Variants in KPNA3 observed in about 807,000 individuals in gnomAD.
The protein encoded by KPNA3 is karyopherin subunit alpha 3.
Under a neutral mutation model 73.8 loss-of-function variants are expected in KPNA3, and 13 were observed. The observed-to-expected ratio is 0.18, with a 90% CI of 0.11 to 0.28. The LOEUF (loss-of-function observed/expected upper bound fraction) is 0.28, where lower values mean the gene tolerates loss of function less well. Ranked by LOEUF, KPNA3 falls within the 10% of genes least tolerant of loss-of-function variation. The pLI is 1.00. For missense variants in KPNA3, 360 were observed against 618.1 expected, an observed-to-expected ratio of 0.58 and a Z score of 4.43; for synonymous variants, 186 against 206.9, an observed-to-expected ratio of 0.90 and a Z score of 0.87.
chr13:49,705,559 A>G (rs941611092), intron 15 of KPNA3, 62 bp downstream of exon 15: 16 of 1,528,264 alleles, frequency 1.0e-5, no homozygotes, highest in Middle Eastern at 1.7e-4. Context: ...AGTTGACTTT[A>G]AAGAACTTAT....
At position 49,732,627 on chromosome 13, in the gene KPNA3, A is replaced by G. The variant is rs745801949; in HGVS notation, c.265T>C (p.Leu89=). Residue 89 remains leucine (L), a synonymous_variant, in exon 5 of 17, where the codon TTG becomes CTG. Coordinates refer to ENST00000261667, the MANE Select transcript of KPNA3 (RefSeq NM_002267.4). ...TACCTTGCTGCCTGGACAGCACTCA[A>G]TTGGACCACTGGGTTATCACTTGTG... ...NATSDNPVVQ[L]SAVQAARKLL... The G allele has an allele frequency of 5.6e-6, 9 of 1,612,106 alleles. No homozygotes were observed. Among genetic ancestry groups the G allele is most frequent in the South Asian group, 2.2e-5 (2 of 90,748 alleles).
At chr13:49,723,439 G>A (rs1002536682) in intron 7 of KPNA3, among the ~76,000 whole-genome samples, 2 of 151,916 alleles carry the variant, frequency 1.3e-5, no homozygotes, top group Non-Finnish European at 2.9e-5. Flanking sequence ...GCGTGGTGGT[G>A]GGCGCCTGTA....
chr13:49,747,805 T>C (rs1246239201), intron 1 of KPNA3, among the ~76,000 whole-genome samples: 3 of 152,230 alleles, frequency 2.0e-5, no homozygotes, highest in Non-Finnish European at 2.9e-5. Flanking sequence ...ATCTGTTGGT[T>C]AATTTTGTGG....
intron 1 of KPNA3, among the ~76,000 whole-genome samples, chr13:49,762,591 G>A (rs1486015444): frequency 6.6e-6 from 1 of 152,148 alleles, no homozygotes; most frequent in Non-Finnish European, 1.5e-5. Flanking sequence ...TCTGAAACAT[G>A]TGCTGTGTCC....
intron 1 of KPNA3, among the ~76,000 whole-genome samples, chr13:49,767,768 A>G (rs1207714198): frequency 6.6e-6 from 1 of 152,196 alleles, no homozygotes; most frequent in Non-Finnish European, 1.5e-5. Context: ...ATCACAATCT[A>G]TCTCTGGGAC....
chr13:49,768,136 G>A (rs1482452849), intron 1 of KPNA3, among the ~76,000 whole-genome samples: 3 of 151,858 alleles, frequency 2.0e-5, no homozygotes, highest in East Asian at 3.9e-4. Flanking sequence ...AAAATTAGCC[G>A]GGCGTGGTGG....
rs767633666 is a variant in KPNA3, at chr13:49,706,134, T to C, written c.1173A>G (p.Ala391=). The change falls in exon 14 of 17, where the codon GCA becomes GCG. Residue 391 remains alanine (A), a synonymous_variant. Coordinates refer to ENST00000261667, the MANE Select transcript of KPNA3 (RefSeq NM_002267.4). ...TGCCACTTATTGTTAAGTTGCTGAT[T>C]GCCCAAGCAGCTTCTTTTTGTGTTC... ...DFGTQKEAAW[A]ISNLTISGRK... The C allele has an allele frequency of 6.2e-7, 1 of 1,613,968 alleles. No individual in the cohort carries two copies. Among genetic ancestry groups the C allele is most frequent in the African/African-American group, 1.3e-5 (1 of 75,058 alleles).
Position 49,701,524 on chromosome 13 carries a change from C to T in KPNA3, c.*276G>A. ...ATTCTAAACTGGAGACTGCAGTTGT[C>T]AGCCTGTGGCACCAGGGAACAGGGA... is the stretch of plus-strand genomic sequence containing the variant. On this transcript the variant is annotated 3_prime_UTR_variant, in exon 17 of 17. Transcript: ENST00000261667. 1.9e-6 allele frequency: 1 copy of T among 535,494 alleles called. No individual in the cohort carries two copies. The highest frequency in any genetic ancestry group is 1.9e-5 in the African/African-American group (1 of 52,710). 33.2% of individuals were successfully genotyped at this position (535,494 alleles called of 1,614,324 possible). A position where few individuals can be genotyped will look rare whatever the true frequency, so the allele number is the denominator to read the frequency against.
chr13:49,761,202 C>T (rs1171708339), intron 1 of KPNA3, among the ~76,000 whole-genome samples: 4 of 151,636 alleles, frequency 2.6e-5, no homozygotes, highest in African/African-American at 9.7e-5. Flanking sequence ...AAGAGGGTCC[C>T]TCTCCCTCTC....
chr13:49,730,416 A>G (rs1238600600), intron 6 of KPNA3, among the ~76,000 whole-genome samples: 1 of 149,458 alleles, frequency 6.7e-6, no homozygotes, highest in African/African-American at 2.5e-5. Context: ...CTACTCAAAG[A>G]GGCTGAGGCA....
chr13:49,725,096 T>A (rs571918994), intron 7 of KPNA3, among the ~76,000 whole-genome samples: 2 of 152,308 alleles, frequency 1.3e-5, no homozygotes, highest in Admixed American at 1.3e-4. Context: ...TTGAGGAAAG[T>A]AAAATTTAAA....
chr13:49,792,040 G>A (rs945238174), intron 1 of KPNA3, among the ~76,000 whole-genome samples: 1 of 152,190 alleles, frequency 6.6e-6, no homozygotes, highest in Non-Finnish European at 1.5e-5. Flanking sequence ...CCGGACGGAA[G>A]GTTGCACCGG....
chr13:49,711,393 C>T lies in KPNA3; in HGVS notation c.772-371G>A, dbSNP rs575951671. ...TATTTACAAGAATGAGGCCAACACA[C>T]CATACTGTTTCAAGTTCAGAAGAGA... On this transcript the variant is annotated intron_variant, in intron 10 of 16. Transcript: ENST00000261667. Among the ~76,000 whole-genome samples the T allele has an allele frequency of 1.2e-3, 189 of 152,330 alleles. No individual in the cohort carries two copies. The Middle Eastern group carries it at 0.014, about 11-fold the overall frequency.
chr13:49,720,127 T>C (rs1309990077), intron 9 of KPNA3, among the ~76,000 whole-genome samples: 1 of 152,188 alleles, frequency 6.6e-6, no homozygotes, highest in Non-Finnish European at 1.5e-5. Context: ...TGGCATAAAA[T>C]GTCAAGTGGA....
chr13:49,706,920 C>G (rs1338514450), intron 12 of KPNA3, among the ~76,000 whole-genome samples: 1 of 151,818 alleles, frequency 6.6e-6, no homozygotes, highest in African/African-American at 2.4e-5. Context: ...AGCTAATTTT[C>G]TTCTATTTTT....
At chr13:49,735,283 C>T (rs1229020201) in intron 2 of KPNA3, among the ~76,000 whole-genome samples, 5 of 152,058 alleles carry the variant, frequency 3.3e-5, no homozygotes, top group Non-Finnish European at 4.4e-5. Flanking sequence ...CCTCCATACC[C>T]GGCTAATTTT....
intron 1 of KPNA3, among the ~76,000 whole-genome samples, chr13:49,771,610 C>T (rs1954855986): frequency 6.6e-6 from 1 of 152,082 alleles, no homozygotes; most frequent in South Asian, 2.1e-4. Context: ...GCTACCACAC[C>T]CAGCTTTTTA....
At chr13:49,786,800 C>G (rs1473987669) in intron 1 of KPNA3, among the ~76,000 whole-genome samples, 5 of 152,042 alleles carry the variant, frequency 3.3e-5, no homozygotes, top group Non-Finnish European at 7.4e-5. Flanking sequence ...GGACTTTTAT[C>G]CTGAAGTCAA....
intron 1 of KPNA3, among the ~76,000 whole-genome samples, chr13:49,774,289 GATTA>G (rs1354619752): frequency 6.6e-6 from 1 of 152,084 alleles, no homozygotes; most frequent in African/African-American, 2.4e-5. Context: ...AAGAGAAAAA[GATTA>G]ATTAAAGCCA....
Sources: gnomAD v4.1 joint callset for allele counts (sites outside exome capture counted in the v4.1 genomes callset) on GRCh38, gnomAD v4.1.1 for gene constraint, MANE v1.5 for transcripts, NCBI Gene and HGNC (gene_info 2026-07-23, HGNC 2026-07-21) for gene names.